The following TRPV3 variants were observed in gnomAD, a reference collection of about 807,000 sequenced individuals.
TRPV3 encodes the protein VRL-3.
TRPV3 carries 88 observed loss-of-function variants against 87.1 expected under a neutral mutation model. The observed-to-expected ratio is 1.01, with a 90% CI of 0.85 to 1.21. The LOEUF (loss-of-function observed/expected upper bound fraction) is 1.21, where lower values mean the gene tolerates loss of function less well. Among genes scored for constraint, TRPV3 ranks in the 50% most tolerant of loss-of-function variants. TRPV3 has a pLI of 0.00. For synonymous variants in TRPV3, 438 were observed against 423.3 expected, an observed-to-expected ratio of 1.03 and a Z score of -0.43; for missense variants, 1,054 against 1,030.1, an observed-to-expected ratio of 1.02 and a Z score of -0.32.
chr17:3,525,217 A>T lies in TRPV3; in HGVS notation c.1578-854T>A, dbSNP rs189908124. Among the ~76,000 whole-genome samples, 742 of 152,252 alleles carry T rather than the reference A, an allele frequency of 4.9e-3. 3 individuals carry two copies. The highest frequency in any genetic ancestry group is 9.9e-3 in the Admixed American group (152 of 15,288). On this transcript the variant is annotated intron_variant, in intron 12 of 17. Coordinates refer to ENST00000576742, the MANE Select transcript of TRPV3 (RefSeq NM_145068.4). The stretch of plus-strand genomic sequence containing the variant: ...GTATTTTTAGTAGAGATGGGGTTTC[A>T]CCATGTTGGCCAGGCTGGTCTCGAA...
At chr17:3,555,109 C>T (rs1436584298) in intron 1 of TRPV3, among the ~76,000 whole-genome samples, 1 of 152,180 alleles carries the variant, frequency 6.6e-6, no homozygotes, top group African/African-American at 2.4e-5. Flanking sequence ...TAGAGACCAC[C>T]ATGCCCCTGT....
In TRPV3 at chr17:3,513,866, C is replaced by T; in HGVS notation, c.*51G>A. On this transcript the variant is annotated 3_prime_UTR_variant, in exon 18 of 18. Coordinates refer to ENST00000576742, the MANE Select transcript of TRPV3 (RefSeq NM_145068.4). ...GCCTCTCTGCACAGAGTCGGTGACTCCGCCTGCAGCGCCAGACAGCGCACG... is the reference window on the plus strand; with the variant it reads ...GCCTCTCTGCACAGAGTCGGTGACTTCGCCTGCAGCGCCAGACAGCGCACG... 6.6e-7 allele frequency: 1 copy of T among 1,505,426 alleles called. No homozygotes were observed. The allele number at this position is 1,505,426 out of a possible 1,614,324, so 93.3% of individuals were successfully genotyped here. A position where few individuals can be genotyped will look rare whatever the true frequency, so the allele number is the denominator to read the frequency against.
Position 3,550,774 on chromosome 17 carries a change from T to C in TRPV3, c.119+3958A>G, listed in dbSNP as rs2074566826. ...CTCCTGACCTCATGATCCACCCTCC[T>C]CGGCCTCCCAAAGTGCTGGGATTAC... On this transcript the variant is annotated intron_variant, in intron 2 of 17. Transcript: ENST00000576742. Among the ~76,000 whole-genome samples, 4 of 152,214 alleles carry C rather than the reference T, an allele frequency of 2.6e-5. No individual in the cohort carries two copies. In the South Asian group the frequency reaches 8.3e-4, roughly 32 times the overall value.
chr17:3,552,641 C>T (rs1020773359), intron 2 of TRPV3: 2 of 152,290 alleles, frequency 1.3e-5, no homozygotes, highest in African/African-American at 4.8e-5. Context: ...AAGCTCAGCC[C>T]TTGGCTGGGC....
intron 6 of TRPV3, 136 bp from the exon 7 acceptor site, chr17:3,535,849 A>G: frequency 2.7e-6 from 3 of 1,104,008 alleles, no homozygotes; most frequent in Non-Finnish European, 3.6e-6. Context: ...GCTACCAGGA[A>G]TCCCAGCTTT....
At chr17:3,542,474 CCA>C (rs761204058) in intron 6 of TRPV3, 46 bp downstream of exon 6, 2 of 1,584,084 alleles carry the variant, frequency 1.3e-6, no homozygotes, top group South Asian at 2.4e-5. Flanking sequence ...GCCCCATACC[CCA>C]CCCTCAGAGA....
chr17:3,549,390 C>A (rs959194751), intron 2 of TRPV3, among the ~76,000 whole-genome samples: 3 of 152,334 alleles, frequency 2.0e-5, no homozygotes, highest in East Asian at 1.9e-4. Flanking sequence ...AGAAATAGTA[C>A]AATGAGGCCA....
At position 3,545,236 on chromosome 17, in the gene TRPV3, G is replaced by C. The variant is rs1195118637; in HGVS notation, c.155C>G (p.Pro52Arg). The change falls in exon 3 of 18, where the codon CCC becomes CGC. Residue 52 changes from proline to arginine, a missense_variant. Transcript: ENST00000576742. ...AGAGGTCTTGGCAACTGTGGGGTTG[G>C]GTTCAAACCCTTCTATCTCCAGGAA... Reference protein sequence around the residue: ...HFFLEIEGFEPNPTVAKTSPP... With the variant: ...HFFLEIEGFERNPTVAKTSPP... 2 of 1,613,852 alleles carry C rather than the reference G, an allele frequency of 1.2e-6. No individual in the cohort carries two copies. Among genetic ancestry groups the C allele is most frequent in the Non-Finnish European group, 8.5e-7 (1 of 1,179,908 alleles).
At chr17:3,529,845 A>G (rs997112270) in intron 9 of TRPV3, among the ~76,000 whole-genome samples, 182 bp downstream of exon 9, 1 of 128,874 alleles carries the variant, frequency 7.8e-6, no homozygotes, top group Non-Finnish European at 1.6e-5. Context: ...AGTCGGGCCC[A>G]GCATCTGTCC....
rs751815139 is a variant in TRPV3 at position 3,545,297 on chromosome 17, T to C, written c.120-26A>G. Reference sequence around the variant, plus strand: ...CTGAGGGAACACGGAGGAAGCCTGTTAGGGCCGAGCCAGGCAGAGCCTGTC... The same window carrying C: ...CTGAGGGAACACGGAGGAAGCCTGTCAGGGCCGAGCCAGGCAGAGCCTGTC... On this transcript the variant is annotated intron_variant, in intron 2 of 17. Transcript: ENST00000576742. The C allele has an allele frequency of 1.9e-6, 3 of 1,569,788 alleles. No individual in the cohort carries two copies. The South Asian group carries it at 3.4e-5, about 18-fold the overall frequency.
intron 7 of TRPV3, among the ~76,000 whole-genome samples, 155 bp downstream of exon 7, chr17:3,535,417 TC>T (rs1183361374): frequency 5.7e-5 from 6 of 105,262 alleles, no homozygotes; most frequent in African/African-American, 2.2e-4. Flanking sequence ...CCTTCCTGTT[TC>T]CCCCTCCCTT....
chr17:3,514,057 T>C (rs762618281), intron 17 of TRPV3, 46 bp from the exon 18 acceptor site: 7 of 1,444,902 alleles, frequency 4.8e-6, no homozygotes, highest in Non-Finnish European at 6.6e-6. Flanking sequence ...TCACTCTGCA[T>C]AGTGTGTTTC....
chr17:3,544,697 T>A (rs1200331036), intron 3 of TRPV3, 32 bp from the exon 4 acceptor site: 1 of 1,517,314 alleles, frequency 6.6e-7, no homozygotes, highest in Non-Finnish European at 9.0e-7. Flanking sequence ...ACAGAGAGGG[T>A]TTTAAAGTTT....
rs764370426 is a variant in TRPV3, at chr17:3,513,984, C to T, written c.2306G>A (p.Arg769Lys). 5 of 1,613,836 alleles carry T rather than the reference C, an allele frequency of 3.1e-6. No individual in the cohort carries two copies. The Admixed American group carries it at 6.7e-5, about 22-fold the overall frequency. The change falls in exon 18 of 18, where the codon AGG becomes AAG. Residue 769 changes from arginine to lysine, a missense_variant. Physicochemically the swap from Arg to Lys is conservative, Grantham distance 26. Coordinates refer to ENST00000576742, the MANE Select transcript of TRPV3 (RefSeq NM_145068.4). ...ATTGAGAGTGGTTTTGCTGTTGTTC[C>T]TGGAAGAATCTTGGATTTTGTTGAA... Reference protein sequence around the residue: ...TDFNKIQDSSRNNSKTTLNAF... With the variant: ...TDFNKIQDSSKNNSKTTLNAF...
chr17:3,533,949 C>T (rs1020569319), intron 7 of TRPV3, among the ~76,000 whole-genome samples: 3 of 152,134 alleles, frequency 2.0e-5, no homozygotes, highest in African/African-American at 7.2e-5. Flanking sequence ...ATTTCAAGTA[C>T]CTAGAACAGT....
chr17:3,546,159 CAT>C (rs1173649153), intron 2 of TRPV3, among the ~76,000 whole-genome samples: 1 of 152,006 alleles, frequency 6.6e-6, no homozygotes, highest in Non-Finnish European at 1.5e-5. Flanking sequence ...GGAAGACAAA[CAT>C]AGACGCATGG....
At chr17:3,547,531 G>C (rs2074537817) in intron 2 of TRPV3, among the ~76,000 whole-genome samples, 1 of 152,226 alleles carries the variant, frequency 6.6e-6, no homozygotes, top group South Asian at 2.1e-4. Flanking sequence ...TGAGGCAGGA[G>C]AATCACTTGG....
At chr17:3,514,874 G>A (rs1304024630) in intron 16 of TRPV3, among the ~76,000 whole-genome samples, 1 of 152,106 alleles carries the variant, frequency 6.6e-6, no homozygotes, top group Non-Finnish European at 1.5e-5. Context: ...CCAGGCCTCA[G>A]AGAATCAGTT....
Position 3,556,478 on chromosome 17 carries a change from C to A in TRPV3, c.-3+1198G>T, listed in dbSNP as rs897845406. Reference sequence around the variant, plus strand: ...TGCCACTCTCAGCTTGAATCATCCTCAGGGGACTCACCTGGCGACACATAG... The same window carrying A: ...TGCCACTCTCAGCTTGAATCATCCTAAGGGGACTCACCTGGCGACACATAG... On this transcript the variant is annotated intron_variant, in intron 1 of 17. Coordinates refer to ENST00000576742, the MANE Select transcript of TRPV3 (RefSeq NM_145068.4). This position sits in a 1 kb window ranked among gnomAD's most constrained non-coding sequence, Gnocchi z 4.2. 5.9e-5 allele frequency among the ~76,000 whole-genome samples: 9 copies of A among 152,052 alleles called. No homozygotes were observed. Among genetic ancestry groups the A allele is most frequent in the Admixed American group, 1.3e-4 (2 of 15,272 alleles).
Sources: gnomAD v4.1 joint callset for allele counts (sites outside exome capture counted in the v4.1 genomes callset) on GRCh38, gnomAD v4.1.1 for gene constraint, Gnocchi (gnomAD v3.1) non-coding constraint, MANE v1.5 for transcripts, NCBI Gene and HGNC (gene_info 2026-07-23, HGNC 2026-07-21) for gene names.